NCAM2: variants seen among roughly 807,000 people sequenced by gnomAD.
NCAM2 encodes N-CAM-2.
In NCAM2, 30 loss-of-function variants were observed where a neutral mutation model predicts 98.1. The ratio of observed to expected loss-of-function variants is 0.31; its 90% CI spans 0.23 to 0.41. The LOEUF (loss-of-function observed/expected upper bound fraction) is 0.41. Ranked by LOEUF, NCAM2 falls within the 10% of genes least tolerant of loss-of-function variation. The probability of loss-of-function intolerance (pLI) is 1.00; values close to 1 mark genes in which losing one functional copy is unlikely to be tolerated. For missense variants in NCAM2, 867 were observed against 1,005.8 expected, an observed-to-expected ratio of 0.86 and a Z score of 1.87; for synonymous variants, 368 against 342.4, an observed-to-expected ratio of 1.07 and a Z score of -0.83.
At chr21:21,017,762 A>T (rs2064343481) in intron 1 of NCAM2, among the ~76,000 whole-genome samples, 1 of 152,136 alleles carries the variant, frequency 6.6e-6, no homozygotes, top group Admixed American at 6.5e-5. Flanking sequence ...AGGCACTTGC[A>T]TTAACACTGT....
Position 21,477,408 on chromosome 21 carries a change from T to C in NCAM2, c.2014T>C (p.Leu672=), listed in dbSNP as rs1985306977. ...YEVQITAANR[L]GYSEPTVYEF... ...AGTTCAGATTACAGCTGCCAATAGA[T>C]TGGGATATTCTGAACCGACAGTTTA... Residue 672 remains leucine, a synonymous_variant, in exon 15 of 18, where the codon TTG becomes CTG. Coordinates refer to ENST00000400546, the MANE Select transcript of NCAM2 (RefSeq NM_004540.5). The C allele has an allele frequency of 3.1e-6, 5 of 1,611,224 alleles. No homozygotes were observed. Among genetic ancestry groups the C allele is most frequent in the Non-Finnish European group, 1.7e-6 (2 of 1,178,096 alleles).
chr21:21,505,121 G>A (rs564246193), intron 15 of NCAM2, among the ~76,000 whole-genome samples: 7 of 151,732 alleles, frequency 4.6e-5, no homozygotes, highest in South Asian at 4.2e-4. Flanking sequence ...AGCAACCTAC[G>A]ATTGTAATAA....
At chr21:21,352,777 G>A (rs1336771986) in intron 8 of NCAM2, among the ~76,000 whole-genome samples, 2 of 144,080 alleles carry the variant, frequency 1.4e-5, no homozygotes, top group Admixed American at 1.4e-4. Flanking sequence ...TCAAGTTGTT[G>A]CACATGTACC....
At chr21:21,058,669 A>AT (rs59289753) in intron 1 of NCAM2, among the ~76,000 whole-genome samples, 123,586 of 144,882 alleles carry the variant, frequency 0.85, 53,358 homozygotes, top group Middle Eastern at 0.95. Context: ...TTCACACAGG[A>AT]TTTTTTTTTT....
intron 10 of NCAM2, among the ~76,000 whole-genome samples, chr21:21,413,340 A>G (rs993758280): frequency 5.9e-5 from 9 of 152,300 alleles, no homozygotes; most frequent in South Asian, 4.1e-4. Flanking sequence ...TACATAGAAG[A>G]AATAAATATT....
At chr21:21,529,454 A>G (rs1449920326) in intron 16 of NCAM2, among the ~76,000 whole-genome samples, 1 of 152,084 alleles carries the variant, frequency 6.6e-6, no homozygotes, top group Non-Finnish European at 1.5e-5. Flanking sequence ...TACATAGTAG[A>G]GTTAAACTTT....
Position 21,315,955 on chromosome 21 carries a change from G to A in NCAM2, c.620-8428G>A, listed in dbSNP as rs1396599236. Among the ~76,000 whole-genome samples, 3 of 152,034 alleles carry A rather than the reference G, an allele frequency of 2.0e-5. No individual in the cohort carries two copies. The East Asian group carries it at 5.8e-4, about 29-fold the overall frequency. On this transcript the variant is annotated intron_variant, in intron 5 of 17. Coordinates refer to ENST00000400546, the MANE Select transcript of NCAM2 (RefSeq NM_004540.5). Reference sequence around the variant, plus strand: ...TTCTGTGATTACTTTTAAACTTGTTGACATATATATGATCAGAGCCTTATT... The same window carrying A: ...TTCTGTGATTACTTTTAAACTTGTTAACATATATATGATCAGAGCCTTATT...
intron 1 of NCAM2, among the ~76,000 whole-genome samples, chr21:21,270,833 A>G (rs1163476727): frequency 6.6e-6 from 1 of 151,878 alleles, no homozygotes; most frequent in African/African-American, 2.4e-5. Context: ...CTGTGGCTTG[A>G]TGTCTGATGG....
At chr21:21,057,475 G>A (rs1442030307) in intron 1 of NCAM2, among the ~76,000 whole-genome samples, 1 of 152,076 alleles carries the variant, frequency 6.6e-6, no homozygotes, top group Non-Finnish European at 1.5e-5. Flanking sequence ...AGACTTCAGA[G>A]AGGTAACTCA....
At chr21:21,284,081 G>C (rs1023888771) in intron 2 of NCAM2, 113 bp from the exon 3 acceptor site, 2 of 624,414 alleles carry the variant, frequency 3.2e-6, no homozygotes, top group Non-Finnish European at 4.9e-6. Flanking sequence ...TTTCCAGTCT[G>C]TTACATAATT....
At chr21:21,495,499 C>T (rs1312662317) in intron 15 of NCAM2, among the ~76,000 whole-genome samples, 1 of 152,006 alleles carries the variant, frequency 6.6e-6, no homozygotes, top group Non-Finnish European at 1.5e-5. Context: ...CTGCTTCCCT[C>T]CAATGACTCC....
intron 10 of NCAM2, among the ~76,000 whole-genome samples, chr21:21,411,853 G>T (rs1016283321): frequency 6.6e-6 from 1 of 152,154 alleles, no homozygotes; most frequent in Non-Finnish European, 1.5e-5. Context: ...TAGCTGGCTG[G>T]TTGGTAATTA....
At chr21:21,332,204 A>G in intron 6 of NCAM2, among the ~76,000 whole-genome samples, 1 of 152,088 alleles carries the variant, frequency 6.6e-6, no homozygotes, top group East Asian at 1.9e-4. Context: ...CACCATGCCC[A>G]GCCAGGAATT....
intron 9 of NCAM2, among the ~76,000 whole-genome samples, chr21:21,394,288 A>G (rs1279450808): frequency 2.6e-5 from 4 of 152,216 alleles, no homozygotes; most frequent in Non-Finnish European, 5.9e-5. Flanking sequence ...AACTGGATCT[A>G]TGAAATCATT....
chr21:21,291,574 AT>A (rs764577697), intron 4 of NCAM2, among the ~76,000 whole-genome samples: 3 of 151,926 alleles, frequency 2.0e-5, no homozygotes, highest in African/African-American at 7.2e-5. Flanking sequence ...AGCCAAAAAA[AT>A]CCCTTGAATA....
chr21:21,197,398 G>A (rs2069043319), intron 1 of NCAM2, among the ~76,000 whole-genome samples: 1 of 152,164 alleles, frequency 6.6e-6, no homozygotes, highest in African/African-American at 2.4e-5. Flanking sequence ...CAAAAGTGCT[G>A]GGATTACAGG....
At chr21:21,524,363 T>G (rs1602557764) in intron 16 of NCAM2, among the ~76,000 whole-genome samples, 1 of 150,950 alleles carries the variant, frequency 6.6e-6, no homozygotes, top group South Asian at 2.1e-4. Context: ...GAAATACAGG[T>G]GTCCACCTTT....
chr21:21,481,295 C>A (rs1250073877), intron 15 of NCAM2, among the ~76,000 whole-genome samples: 3 of 152,128 alleles, frequency 2.0e-5, no homozygotes, highest in Non-Finnish European at 2.9e-5. Context: ...ATCACTCCAC[C>A]CCTCATCATG....
intron 1 of NCAM2, among the ~76,000 whole-genome samples, chr21:21,168,397 C>T (rs1245882708): frequency 1.3e-5 from 2 of 151,986 alleles, no homozygotes; most frequent in Non-Finnish European, 2.9e-5. Context: ...GCTCAGGATA[C>T]CCCTTCTCAT....
Sources: gnomAD v4.1 joint callset for allele counts (sites outside exome capture counted in the v4.1 genomes callset) on GRCh38, gnomAD v4.1.1 for gene constraint, MANE v1.5 for transcripts, NCBI Gene and HGNC (gene_info 2026-07-23, HGNC 2026-07-21) for gene names.